SLIT1: variants seen among roughly 807,000 people sequenced by gnomAD.
SLIT1 encodes the protein slit homolog 1 protein.
Under a neutral mutation model 186.1 loss-of-function variants are expected in SLIT1, and 66 were observed. The observed-to-expected ratio is 0.35, with a 90% CI of 0.29 to 0.44. SLIT1 has a LOEUF of 0.44. Among genes scored for constraint, SLIT1 ranks in the 20% least tolerant of loss-of-function variants. The pLI, the probability that SLIT1 is intolerant of heterozygous loss-of-function variation, is 1.00. For missense variants in SLIT1, 1,638 were observed against 2,037.4 expected, an observed-to-expected ratio of 0.80 and a Z score of 3.77; for synonymous variants, 761 against 833.8, an observed-to-expected ratio of 0.91 and a Z score of 1.50.
At chr10:97,046,632 C>A in intron 18 of SLIT1, 22 bp downstream of exon 18, 1 of 1,581,936 alleles carries the variant, frequency 6.3e-7, no homozygotes, top group South Asian at 1.1e-5. Context: ...GCCCACCCTG[C>A]TCCCCAGCCC....
rs1473327523 is a variant in SLIT1, at chr10:97,145,252, G to A, written c.413+12566C>T. Among the ~76,000 whole-genome samples the A allele has an allele frequency of 2.0e-5, 3 of 152,010 alleles. No individual in the cohort carries two copies. The South Asian group carries it at 6.2e-4, about 32-fold the overall frequency. On this transcript the variant is annotated intron_variant, in intron 4 of 36. Coordinates refer to ENST00000266058, the MANE Select transcript of SLIT1 (RefSeq NM_003061.3). ...CCCGCCTCAGCCTCCCAAGTAGCTA[G>A]GACTACAGGCGCCTGCCATCACACC... is the stretch of plus-strand genomic sequence containing the variant.
At chr10:97,071,563 C>T (rs995523678) in intron 4 of SLIT1, among the ~76,000 whole-genome samples, 2 of 152,200 alleles carry the variant, frequency 1.3e-5, no homozygotes, top group East Asian at 3.8e-4. Context: ...ATTTTCAAAA[C>T]AGCAAGAGAG....
chr10:97,014,917 A>T (rs1347009866), intron 28 of SLIT1, among the ~76,000 whole-genome samples: 1 of 151,352 alleles, frequency 6.6e-6, no homozygotes, highest in Non-Finnish European at 1.5e-5. Context: ...CTAGTCTTCT[A>T]TAGGGGCCCT....
intron 28 of SLIT1, among the ~76,000 whole-genome samples, chr10:97,017,605 G>A (rs558958823): frequency 1.3e-5 from 2 of 152,032 alleles, no homozygotes; most frequent in East Asian, 3.9e-4. Context: ...AGGGCCGGAG[G>A]GCTATCCCCT....
chr10:97,185,726 A>G lies in SLIT1; in HGVS notation c.-52T>C, dbSNP rs1850405522. The G allele has an allele frequency of 8.5e-6, 12 of 1,404,544 alleles. No individual in the cohort carries two copies. The highest frequency in any genetic ancestry group is 1.1e-5 in the Non-Finnish European group (12 of 1,080,708). 87.0% of individuals were successfully genotyped at this position (1,404,544 alleles called of 1,614,324 possible). A position where few individuals can be genotyped will look rare whatever the true frequency, so the allele number is the denominator to read the frequency against. ...AGCCAGACGGCAGCAGCCGCTGACC[A>G]TCCCCGTCCGGGGCCGCCTCCAGGT... On this transcript the variant is annotated 5_prime_UTR_variant, in exon 1 of 37. An upstream start codon of the reference 5' UTR is lost. Transcript: ENST00000266058.
In SLIT1 at chr10:97,042,830, C is replaced by T. The variant is rs1848701368; in HGVS notation, c.2164+71G>A. 3.9e-6 allele frequency: 6 copies of T among 1,530,330 alleles called. No individual in the cohort carries two copies. The Admixed American group carries it at 1.0e-4, about 27-fold the overall frequency. The allele number at this position is 1,530,330 out of a possible 1,614,324, so 94.8% of individuals were successfully genotyped here. On this transcript the variant is annotated intron_variant, in intron 20 of 36. Coordinates refer to ENST00000266058, the MANE Select transcript of SLIT1 (RefSeq NM_003061.3). ...GGTGCTGCCTGTCCACTCCCATCTT[C>T]CTCACCTGCCCCACCCCACTGGTTG...
intron 4 of SLIT1, among the ~76,000 whole-genome samples, chr10:97,121,300 A>T (rs1849558103): frequency 6.6e-6 from 1 of 151,962 alleles, no homozygotes; most frequent in African/African-American, 2.4e-5. Context: ...CAGTCGGCTT[A>T]CCCCCTCCCT....
chr10:97,021,957 A>G lies in SLIT1; in HGVS notation c.2583-544T>C, dbSNP rs1848505873. Among the ~76,000 whole-genome samples, 1 of 152,222 alleles carries G rather than the reference A, an allele frequency of 6.6e-6. No individual in the cohort carries two copies. The highest frequency in any genetic ancestry group is 1.5e-5 in the Non-Finnish European group (1 of 68,032). On this transcript the variant is annotated intron_variant, in intron 25 of 36. Transcript: ENST00000266058. The surrounding 1 kb of genome is among the most constrained non-coding windows in gnomAD (Gnocchi z 4.5). Reference sequence around the variant, plus strand: ...TTTACATGTGCAGAAACCGAGGCTCAAAAAGGCTGAGGAATTTGCCTAAGA... The same window carrying G: ...TTTACATGTGCAGAAACCGAGGCTCGAAAAGGCTGAGGAATTTGCCTAAGA...
At chr10:97,149,222 G>A (rs1273236975) in intron 4 of SLIT1, among the ~76,000 whole-genome samples, 1 of 152,260 alleles carries the variant, frequency 6.6e-6, no homozygotes, top group African/African-American at 2.4e-5. Context: ...GCGAGCAGAT[G>A]TCAATCTGAG....
intron 4 of SLIT1, among the ~76,000 whole-genome samples, chr10:97,152,513 C>T (rs1849892697): frequency 6.6e-6 from 1 of 152,202 alleles, no homozygotes; most frequent in African/African-American, 2.4e-5. Context: ...TCACAGCTCT[C>T]TTTAATCGTC....
intron 17 of SLIT1, 92 bp downstream of exon 17, chr10:97,046,899 C>G (rs960000689): frequency 6.3e-7 from 1 of 1,575,662 alleles, no homozygotes; most frequent in Non-Finnish European, 8.7e-7. Context: ...GTCCTGGCCC[C>G]CCGCCGTGGG....
chr10:97,167,144 C>T (rs1659935575), intron 1 of SLIT1, among the ~76,000 whole-genome samples: 2 of 152,182 alleles, frequency 1.3e-5, no homozygotes, highest in African/African-American at 4.8e-5. Flanking sequence ...ACTGAGCTGC[C>T]TCCCCACCCT....
Position 97,026,004 on chromosome 10 carries a change from A to G in SLIT1, c.2583-4591T>C, listed in dbSNP as rs1366523697. 2.6e-5 allele frequency among the ~76,000 whole-genome samples: 4 copies of G among 152,000 alleles called. No homozygotes were observed. In the East Asian group the frequency reaches 5.8e-4, roughly 22 times the overall value. ...ATGAATGCCTGTCTAAAAGCATGAG[A>G]AAAGCACAACATCTTAGTGCAAAGG... On this transcript the variant is annotated intron_variant, in intron 25 of 36. Transcript: ENST00000266058.
At chr10:97,076,590 C>T (rs1329898286) in intron 4 of SLIT1, among the ~76,000 whole-genome samples, 1 of 152,226 alleles carries the variant, frequency 6.6e-6, no homozygotes, top group Non-Finnish European at 1.5e-5. Flanking sequence ...GTGCATACTG[C>T]ATGTGTGCAC....
In SLIT1 at chr10:97,063,438, C is replaced by T. The variant is rs375671920; in HGVS notation, c.793+17G>A. 79 of 1,611,836 alleles carry T rather than the reference C, an allele frequency of 4.9e-5. No individual in the cohort carries two copies. The highest frequency in any genetic ancestry group is 6.4e-5 in the Non-Finnish European group (76 of 1,179,766). ...AGGCGCCGGACAGTTGAGAGCCCGG[C>T]AGGGGTCTGCACCCACCTGAGCAGC... On this transcript the variant is annotated intron_variant, in intron 8 of 36. Transcript: ENST00000266058.
intron 16 of SLIT1, 38 bp from the exon 17 acceptor site, chr10:97,047,103 G>A (rs1043648849): frequency 1.5e-6 from 2 of 1,319,202 alleles, no homozygotes; most frequent in Non-Finnish European, 2.2e-6. Flanking sequence ...ATTCACAAAT[G>A]ATGGACATTT....
chr10:97,031,786 C>T (rs1255185648), intron 23 of SLIT1, 109 bp from the exon 24 acceptor site: 2 of 831,402 alleles, frequency 2.4e-6, no homozygotes, highest in Non-Finnish European at 3.8e-6. Context: ...CCTCCTCGGG[C>T]TCTGTGAGGG....
chr10:97,058,510 A>G (rs1564664403), intron 11 of SLIT1, among the ~76,000 whole-genome samples: 1 of 152,204 alleles, frequency 6.6e-6, no homozygotes, highest in Non-Finnish European at 1.5e-5. Context: ...AATGACAACG[A>G]TCCCTCACCA....
intron 4 of SLIT1, among the ~76,000 whole-genome samples, chr10:97,147,933 C>A (rs372269489): frequency 6.6e-6 from 1 of 152,274 alleles, no homozygotes; most frequent in African/African-American, 2.4e-5. Flanking sequence ...CCATACCCTT[C>A]GATACCTTGA....
Sources: gnomAD v4.1 joint callset for allele counts (sites outside exome capture counted in the v4.1 genomes callset) on GRCh38, gnomAD v4.1.1 for gene constraint, Gnocchi (gnomAD v3.1) non-coding constraint, MANE v1.5 for transcripts, NCBI Gene and HGNC (gene_info 2026-07-23, HGNC 2026-07-21) for gene names.